The following TDRD12 variants were observed in gnomAD, a reference collection of about 807,000 sequenced individuals.
TDRD12 encodes the protein putative ATP-dependent RNA helicase TDRD12.
TDRD12 carries 158 observed loss-of-function variants against 133.5 expected under a neutral mutation model. The ratio of observed to expected loss-of-function variants is 1.18; its 90% CI spans 1.04 to 1.35. The LOEUF is 1.35. Among genes scored for constraint, TDRD12 ranks in the 40% most tolerant of loss-of-function variants. TDRD12 has a pLI of 0.00. For synonymous variants in TDRD12, 460 were observed against 477.9 expected, an observed-to-expected ratio of 0.96 and a Z score of 0.49; for missense variants, 1,443 against 1,321.3, an observed-to-expected ratio of 1.09 and a Z score of -1.43.
At chr19:32,794,542 C>A in intron 13 of TDRD12, 86 bp from the exon 14 acceptor site, 1 of 642,998 alleles carries the variant, frequency 1.6e-6, no homozygotes, top group Non-Finnish European at 2.8e-6. Flanking sequence ...ATGTGTAGTG[C>A]TTTTTGGGGT....
exon 17 of TDRD12, chr19:32,800,308 A>G (rs1020114865): frequency 1.3e-6 from 2 of 1,528,752 alleles, no homozygotes; most frequent in East Asian, 2.4e-5. Flanking sequence ...TGATCCCTAC[A>G]TTGTGATCAC....
chr19:32,812,628 A>G (rs1012452715), intron 24 of TDRD12, among the ~76,000 whole-genome samples: 30 of 152,224 alleles, frequency 2.0e-4, no homozygotes, highest in African/African-American at 7.2e-4. Flanking sequence ...TGTAGCCGTC[A>G]GCAAGAATGT....
intron 4 of TDRD12, among the ~76,000 whole-genome samples, chr19:32,746,307 G>C (rs112399477): frequency 4.4e-4 from 53 of 121,406 alleles, no homozygotes; most frequent in African/African-American, 1.3e-3. Context: ...TGTGACAGAG[G>C]GGGAGAGAGA....
At chr19:32,733,253 G>A (rs1306130547) in intron 2 of TDRD12, among the ~76,000 whole-genome samples, 1 of 152,196 alleles carries the variant, frequency 6.6e-6, no homozygotes, top group Non-Finnish European at 1.5e-5. Flanking sequence ...TGGATCACCT[G>A]AGGTCAGGAG....
chr19:32,824,344 G>C (rs937935096), downstream of TDRD12: 1 of 152,660 alleles, frequency 6.6e-6, no homozygotes, highest in African/African-American at 2.4e-5. Flanking sequence ...GCAGCTGGTC[G>C]GTCTCAGGTG....
In TDRD12 at chr19:32,796,377, G is replaced by A. The variant is rs147644091; in HGVS notation, c.1474-1358G>A. Among the ~76,000 whole-genome samples the A allele has an allele frequency of 3.9e-5, 6 of 152,228 alleles. No homozygotes were observed. In the East Asian group the frequency reaches 5.8e-4, roughly 15 times the overall value. On this transcript the variant is annotated intron_variant, in intron 14 of 27. Transcript: ENST00000444215. The stretch of plus-strand genomic sequence containing the variant: ...GCCGAGGCAGGCGGATCACGAGATC[G>A]AGATCGAGACTATCCTGGCCAACAT...
chr19:32,721,238 G>A (rs1341735641), intron 1 of TDRD12, among the ~76,000 whole-genome samples: 1 of 152,208 alleles, frequency 6.6e-6, no homozygotes, highest in East Asian at 1.9e-4. Flanking sequence ...GGAAAGCGTT[G>A]CTGGAGGAAG....
intron 8 of TDRD12, among the ~76,000 whole-genome samples, chr19:32,764,406 G>A (rs147763589): frequency 1.9e-4 from 29 of 152,190 alleles, no homozygotes; most frequent in Non-Finnish European, 3.8e-4. Context: ...CACCATGCCT[G>A]GCTATATTGT....
chr19:32,825,064 C>T (rs1333402186), downstream of TDRD12, among the ~76,000 whole-genome samples: 1 of 152,074 alleles, frequency 6.6e-6, no homozygotes, highest in Non-Finnish European at 1.5e-5. The surrounding 1 kb of genome is among the most constrained non-coding windows in gnomAD (Gnocchi z 4.1). Context: ...TCAGGCCAGG[C>T]CACCCCGGGT....
intron 11 of TDRD12, among the ~76,000 whole-genome samples, chr19:32,779,917 C>A (rs533058588): frequency 4.1e-4 from 63 of 152,200 alleles, no homozygotes; most frequent in African/African-American, 1.5e-3. Context: ...GGAGCTCTCT[C>A]TGCAGTTCTT....
chr19:32,825,261 CCA>C (rs1307999116), downstream of TDRD12, among the ~76,000 whole-genome samples: 4 of 152,206 alleles, frequency 2.6e-5, no homozygotes, highest in African/African-American at 9.7e-5. The surrounding 1 kb of genome is among the most constrained non-coding windows in gnomAD (Gnocchi z 4.1). Flanking sequence ...CATGAATAAA[CCA>C]CAGAGGGTGG....
intron 4 of TDRD12, among the ~76,000 whole-genome samples, chr19:32,746,530 CAG>C (rs1291645267): frequency 1.4e-5 from 1 of 69,140 alleles, no homozygotes; most frequent in African/African-American, 5.7e-5. Flanking sequence ...CTGTGTGTGA[CAG>C]AGACGGGGAG....
chr19:32,778,591 C>T (rs920068943), intron 11 of TDRD12, among the ~76,000 whole-genome samples: 1 of 152,102 alleles, frequency 6.6e-6, no homozygotes, highest in Non-Finnish European at 1.5e-5. Flanking sequence ...CCTCCACCTC[C>T]TGGGTTCAAG....
chr19:32,804,418 G>T (rs538969836), intron 21 of TDRD12, among the ~76,000 whole-genome samples: 18 of 151,424 alleles, frequency 1.2e-4, no homozygotes, highest in African/African-American at 4.4e-4. Context: ...TCTTGGCCAG[G>T]TGCAGTGGCT....
chr19:32,808,313 T>A (rs1229731128), intron 22 of TDRD12, among the ~76,000 whole-genome samples: 1 of 152,230 alleles, frequency 6.6e-6, no homozygotes, highest in East Asian at 1.9e-4. Flanking sequence ...TGTAAAAGAT[T>A]ACCACCAAGT....
At chr19:32,752,330 C>T (rs1969855206) in intron 6 of TDRD12, among the ~76,000 whole-genome samples, 1 of 152,048 alleles carries the variant, frequency 6.6e-6, no homozygotes, top group African/African-American at 2.4e-5. Flanking sequence ...CAGGTGCCTG[C>T]CACCACACCG....
intron 24 of TDRD12, among the ~76,000 whole-genome samples, chr19:32,811,952 C>G (rs1967020201): frequency 6.6e-6 from 1 of 152,214 alleles, no homozygotes; most frequent in Admixed American, 6.5e-5. Flanking sequence ...TGGGCGGTCC[C>G]AGGAGAGGCC....
chr19:32,796,151 C>T (rs1351243831), intron 14 of TDRD12: 1 of 985,272 alleles, frequency 1.0e-6, no homozygotes, highest in Non-Finnish European at 1.2e-6. Flanking sequence ...GTGGAACCTG[C>T]ATCTCGGGGC....
At chr19:32,821,085 A>G in exon 28 of TDRD12, 2 of 1,535,990 alleles carry the variant, frequency 1.3e-6, no homozygotes, top group Non-Finnish European at 1.7e-6. Flanking sequence ...GCCTGAGGAC[A>G]CGGGTGCAGA....
Sources: gnomAD v4.1 joint callset for allele counts (sites outside exome capture counted in the v4.1 genomes callset) on GRCh38, gnomAD v4.1.1 for gene constraint, Gnocchi (gnomAD v3.1) non-coding constraint, MANE v1.5 for transcripts, NCBI Gene and HGNC (gene_info 2026-07-23, HGNC 2026-07-21) for gene names.